NID1: variants seen among roughly 807,000 people sequenced by gnomAD.
NID1 encodes nidogen 1.
Under a neutral mutation model 130.6 loss-of-function variants are expected in NID1, and 76 were observed. That is an observed-to-expected ratio of 0.58 (90% confidence interval 0.48 to 0.70). The LOEUF is 0.70. Among genes scored for constraint, NID1 ranks in the 30% least tolerant of loss-of-function variants. The pLI, the probability that NID1 is intolerant of heterozygous loss-of-function variation, is 0.00. For missense variants in NID1, 1,517 were observed against 1,664.8 expected (o/e 0.91, Z 1.54); for synonymous variants, 665 against 675.1 (o/e 0.98, Z 0.23).
At chr1:235,978,436 C>T (rs1657337573) in intron 19 of NID1, among the ~76,000 whole-genome samples, 1 of 152,204 alleles carries the variant, frequency 6.6e-6, no homozygotes, top group African/African-American at 2.4e-5. Flanking sequence ...CAGGGCCAGG[C>T]TGCCTGGACT....
At chr1:236,000,569 T>C (rs1658048636) in intron 12 of NID1, among the ~76,000 whole-genome samples, 1 of 152,208 alleles carries the variant, frequency 6.6e-6, no homozygotes, top group South Asian at 2.1e-4. Context: ...CTAAGATCTA[T>C]AAAACCAAGC....
chr1:236,032,859 C>A (rs911309084), intron 5 of NID1, among the ~76,000 whole-genome samples: 6 of 152,338 alleles, frequency 3.9e-5, no homozygotes, highest in African/African-American at 1.4e-4. Context: ...TTCCAATGCC[C>A]CTGCCTCTCT....
At position 236,042,091 on chromosome 1, in the gene NID1, C is replaced by A; in HGVS notation, c.954G>T (p.Leu318=). ...VGTTPFSYKA[L]RRGGADTYSV... is the part of the protein sequence containing the mutation. Reference sequence around the variant, plus strand: ...TGTATGTGTCAGCACCTCCCCTTCTCAGAGCCTTGTAGGAGAAGGGCGTGG... The same window carrying A: ...TGTATGTGTCAGCACCTCCCCTTCTAAGAGCCTTGTAGGAGAAGGGCGTGG... Residue 318 remains leucine (L), a synonymous_variant, in exon 4 of 20, where the codon CTG becomes CTT. Transcript: ENST00000264187. 1.2e-6 allele frequency: 2 copies of A among 1,614,196 alleles called. No individual in the cohort carries two copies. The highest frequency in any genetic ancestry group is 8.5e-7 in the Non-Finnish European group (1 of 1,180,046).
intron 9 of NID1, among the ~76,000 whole-genome samples, chr1:236,020,008 G>A (rs1436014537): frequency 1.4e-5 from 2 of 141,128 alleles, no homozygotes; most frequent in Non-Finnish European, 3.0e-5. Flanking sequence ...TTGTACTCCT[G>A]CCTGGGCGAC....
At position 236,064,701 on chromosome 1, in the gene NID1, C is replaced by A. The variant is rs1231962853; in HGVS notation, c.225+154G>T. The A allele has an allele frequency of 8.6e-6, 6 of 698,414 alleles. No individual in the cohort carries two copies. In the Admixed American group the frequency reaches 1.4e-4, roughly 16 times the overall value. The allele number at this position is 698,414 out of a possible 1,614,324, so 43.3% of individuals were successfully genotyped here. A position where few individuals can be genotyped will look rare whatever the true frequency, so the allele number is the denominator to read the frequency against. ...CGGGTCGGGAAGACCTTCGCGGACCCTGCAGAGGCGGGAGACCCTGCGCCG... is the reference window on the plus strand; with the variant it reads ...CGGGTCGGGAAGACCTTCGCGGACCATGCAGAGGCGGGAGACCCTGCGCCG... On this transcript the variant is annotated intron_variant, in intron 1 of 19. Transcript: ENST00000264187.
At chr1:235,985,312 G>A in intron 15 of NID1, 67 bp downstream of exon 15, 3 of 1,565,574 alleles carry the variant, frequency 1.9e-6, no homozygotes, top group Non-Finnish European at 2.6e-6. Flanking sequence ...GTTCTTCTCT[G>A]GCATACATGG....
At chr1:235,984,890 T>C (rs952922598) in intron 15 of NID1, among the ~76,000 whole-genome samples, 5 of 152,102 alleles carry the variant, frequency 3.3e-5, no homozygotes, top group Non-Finnish European at 5.9e-5. Flanking sequence ...GGTTGAACAC[T>C]GAAAAGTAGA....
At chr1:235,997,728 T>G (rs1274598554) in intron 12 of NID1, among the ~76,000 whole-genome samples, 1 of 151,554 alleles carries the variant, frequency 6.6e-6, no homozygotes, top group Non-Finnish European at 1.5e-5. Flanking sequence ...TGTCTCAGCC[T>G]CCTGAGTAGC....
At chr1:236,064,429 G>A in intron 1 of NID1, 1 of 193,116 alleles carries the variant, frequency 5.2e-6, no homozygotes, top group Non-Finnish European at 1.0e-5. Context: ...CCCGCGCGCA[G>A]ACTGCGATCC....
At chr1:236,002,512 A>G (rs1034361834) in intron 12 of NID1, among the ~76,000 whole-genome samples, 1 of 150,144 alleles carries the variant, frequency 6.7e-6, no homozygotes, top group Admixed American at 6.9e-5. Flanking sequence ...AAAAACAAAC[A>G]AACAAACAAA....
At chr1:235,992,277 T>C (rs1044080766) in intron 13 of NID1, among the ~76,000 whole-genome samples, 2 of 152,202 alleles carry the variant, frequency 1.3e-5, no homozygotes, top group Admixed American at 6.5e-5. Flanking sequence ...CAAACCAATC[T>C]GGTCAACCTC....
At chr1:236,048,271 C>T (rs1364485881) in intron 2 of NID1, among the ~76,000 whole-genome samples, 1 of 150,296 alleles carries the variant, frequency 6.7e-6, no homozygotes, top group Non-Finnish European at 1.5e-5. Flanking sequence ...GGAGGCGAAG[C>T]TTGCAGTGAG....
At chr1:236,016,276 C>T (rs753610467) in intron 10 of NID1, among the ~76,000 whole-genome samples, 4 of 152,112 alleles carry the variant, frequency 2.6e-5, no homozygotes, top group African/African-American at 9.7e-5. Context: ...CCTGTTCCCT[C>T]CCACCCTCAA....
chr1:236,029,424 TAAG>T, intron 7 of NID1, 123 bp downstream of exon 7: 19 of 877,500 alleles, frequency 2.2e-5, no homozygotes, highest in Admixed American at 1.1e-4. Context: ...AAGGTGACTG[TAAG>T]GCCCGGTGTA....
intron 10 of NID1, among the ~76,000 whole-genome samples, chr1:236,015,452 G>C (rs138331929): frequency 0.021 from 3,159 of 152,150 alleles, 43 homozygotes; most frequent in Middle Eastern, 0.037. Flanking sequence ...TTCAAGACCA[G>C]CCTGGCCAAC....
At chr1:236,006,390 T>G (rs1658249739) in intron 12 of NID1, among the ~76,000 whole-genome samples, 1 of 152,168 alleles carries the variant, frequency 6.6e-6, no homozygotes, top group South Asian at 2.1e-4. Flanking sequence ...CACCACCACC[T>G]ATTGTCTTGC....
At chr1:235,985,571 C>A (rs576999361) in intron 14 of NID1, 66 bp from the exon 15 acceptor site, 987 of 1,566,360 alleles carry the variant, frequency 6.3e-4, no homozygotes, top group Admixed American at 7.3e-4. Flanking sequence ...AATCTTTTTG[C>A]GTGCCTACAG....
At position 236,032,455 on chromosome 1, in the gene NID1, C is replaced by T. The variant is rs1348870653; in HGVS notation, c.1483G>A (p.Gly495Arg). ...LPLAPVGGII[G>R]WMFAVEQDGF... ...TCCTGCTCCACTGCAAACATCCATCCAATGATGCCTCCAACTGGGGCCAGT... is the reference window on the plus strand; with the variant it reads ...TCCTGCTCCACTGCAAACATCCATCTAATGATGCCTCCAACTGGGGCCAGT... The change falls in exon 6 of 20, where the codon GGA becomes AGA. Residue 495 changes from glycine (G) to arginine (R), a missense_variant. Transcript: ENST00000264187. 6.2e-7 allele frequency: 1 copy of T among 1,614,006 alleles called. No individual in the cohort carries two copies. The highest frequency in any genetic ancestry group is 2.2e-5 in the East Asian group (1 of 44,894).
chr1:236,005,574 T>C (rs1658224944), intron 12 of NID1, among the ~76,000 whole-genome samples: 1 of 152,238 alleles, frequency 6.6e-6, no homozygotes, highest in African/African-American at 2.4e-5. Flanking sequence ...AATTATGTGC[T>C]ATATAAGTGT....
Sources: gnomAD v4.1 joint callset for allele counts (sites outside exome capture counted in the v4.1 genomes callset) on GRCh38, gnomAD v4.1.1 for gene constraint, MANE v1.5 for transcripts, NCBI Gene and HGNC (gene_info 2026-07-23, HGNC 2026-07-21) for gene names.